ITGAE: variants seen among roughly 807,000 people sequenced by gnomAD.
ITGAE encodes integrin alpha-E.
A neutral mutation model predicts 136.5 loss-of-function variants in ITGAE; 99 were observed. The observed-to-expected ratio is 0.73, with a 90% CI of 0.62 to 0.86. The LOEUF is 0.86. Ranked by LOEUF, ITGAE falls within the 40% of genes least tolerant of loss-of-function variation. The pLI, the probability that ITGAE is intolerant of heterozygous loss-of-function variation, is 0.00. For synonymous variants in ITGAE, 613 were observed against 591.8 expected, an observed-to-expected ratio of 1.04 and a Z score of -0.52; for missense variants, 1,447 against 1,515.3, an observed-to-expected ratio of 0.95 and a Z score of 0.75.
At chr17:3,730,835 A>C (rs1452351334) in intron 23 of ITGAE, among the ~76,000 whole-genome samples, 1 of 152,242 alleles carries the variant, frequency 6.6e-6, no homozygotes, top group African/African-American at 2.4e-5. Context: ...TCCAAAGCTG[A>C]GTGAACGAGA....
At chr17:3,721,799 A>G (rs1395785682) in intron 28 of ITGAE, 1 of 152,060 alleles carries the variant, frequency 6.6e-6, no homozygotes, top group Admixed American at 6.6e-5. Flanking sequence ...TAATCCCAGC[A>G]CTTCGGGAGG....
chr17:3,758,577 C>T (rs1408865413), intron 8 of ITGAE, among the ~76,000 whole-genome samples: 2 of 152,018 alleles, frequency 1.3e-5, no homozygotes, highest in Non-Finnish European at 2.9e-5. Flanking sequence ...CTCAGCCTCC[C>T]GAGTAGCTGG....
At chr17:3,771,259 C>T (rs1398057600) in intron 2 of ITGAE, among the ~76,000 whole-genome samples, 1 of 152,166 alleles carries the variant, frequency 6.6e-6, no homozygotes, top group African/African-American at 2.4e-5. Flanking sequence ...GGATGAAATT[C>T]ACAGGCCTTA....
chr17:3,773,012 C>T (rs560521741), intron 2 of ITGAE, among the ~76,000 whole-genome samples: 112 of 152,288 alleles, frequency 7.4e-4, no homozygotes, highest in African/African-American at 2.5e-3. Flanking sequence ...CCTCACAGGT[C>T]GAGGTCTCAG....
intron 22 of ITGAE, among the ~76,000 whole-genome samples, chr17:3,732,145 C>T (rs1415525040): frequency 1.3e-5 from 2 of 152,182 alleles, no homozygotes; most frequent in Non-Finnish European, 1.5e-5. Context: ...CACTCTGCTT[C>T]ACGGAGGTGA....
rs146255886 is a variant in ITGAE, at chr17:3,766,247, G to A, written c.156-2287C>T. On this transcript the variant is annotated intron_variant, in intron 2 of 30. Transcript: ENST00000263087. The stretch of plus-strand genomic sequence containing the variant: ...GCCTCTCCCATCCCAGAAGCCCCCA[G>A]GGCTGTCCTGGCTGGGCTGTAAAGC... Among the ~76,000 whole-genome samples, 24 of 152,268 alleles carry A rather than the reference G, an allele frequency of 1.6e-4. No individual in the cohort carries two copies. The East Asian group carries it at 4.4e-3, about 28-fold the overall frequency.
chr17:3,760,987 A>C, intron 6 of ITGAE, 26 bp downstream of exon 6: 1 of 1,589,130 alleles, frequency 6.3e-7, no homozygotes, highest in Non-Finnish European at 8.5e-7. Flanking sequence ...ATAGACTCAG[A>C]GCAACCCAGA....
Position 3,745,826 on chromosome 17 carries a change from T to C in ITGAE, c.2257A>G (p.Arg753Gly). The C allele has an allele frequency of 6.2e-7, 1 of 1,614,094 alleles. No homozygotes were observed. The change falls in exon 18 of 31, where the codon AGG (arginine) becomes GGG (glycine). Residue 753 changes from arginine (R) to glycine (G), a missense_variant. Arg to Gly is a moderately radical substitution (Grantham distance 125). Around this residue, in one of 3 missense-constraint regions of ITGAE, gnomAD observed 1,031 missense variants for 1,011.4 expected, o/e 1.02. Coordinates refer to ENST00000263087, the MANE Select transcript of ITGAE (RefSeq NM_002208.5). ...AGCTGGGATCCGCTGCTCCACTCCCTCAGGCAGCCCAGACAGCTTCTTACG... is the reference window on the plus strand; with the variant it reads ...AGCTGGGATCCGCTGCTCCACTCCCCCAGGCAGCCCAGACAGCTTCTTACG... ...SDVRSCLGCLREWSSGSQLCE... is the reference protein window; with the variant it reads ...SDVRSCLGCLGEWSSGSQLCE...
At position 3,714,896 on chromosome 17, in the gene ITGAE, A is replaced by G; in HGVS notation, c.3491T>C (p.Ile1164Thr). The G allele has an allele frequency of 6.2e-7, 1 of 1,611,566 alleles. No individual in the cohort carries two copies. Among genetic ancestry groups the G allele is most frequent in the Non-Finnish European group, 8.5e-7 (1 of 1,179,042 alleles). ...RKYQQLNLES[I>T]RKAQLKSENL... ...CTCTGATTTCAGCTGGGCCTTCCTG[A>G]TGCTCTCCAAGTTCAGTTGTTGATA... is the stretch of plus-strand genomic sequence containing the variant. The change falls in exon 31 of 31, where the codon ATC becomes ACC. Residue 1164 changes from isoleucine (I) to threonine (T), a missense_variant. Ile to Thr is a moderately conservative substitution (Grantham distance 89). Around this residue, in one of 3 missense-constraint regions of ITGAE, gnomAD observed 1,031 missense variants for 1,011.4 expected, o/e 1.02. Transcript: ENST00000263087.
In ITGAE at chr17:3,745,819, C is replaced by T. The variant is rs2143016514; in HGVS notation, c.2264G>A (p.Trp755Ter). 5 of 1,614,100 alleles carry T rather than the reference C, an allele frequency of 3.1e-6. No homozygotes were observed. The highest frequency in any genetic ancestry group is 4.5e-5 in the East Asian group (2 of 44,882). The change falls in exon 18 of 31, where the codon TGG becomes TAG. Residue 755 changes from tryptophan to a stop codon, truncating the protein, a stop_gained. Transcript: ENST00000263087. LOFTEE classifies it high-confidence loss of function. ...CTCACAAAGCTGGGATCCGCTGCTC[C>T]ACTCCCTCAGGCAGCCCAGACAGCT... ...VRSCLGCLRE[W>*]SSGSQLCEDL... is the part of the protein sequence containing the mutation.
Position 3,723,815 on chromosome 17 carries a change from C to CGGCCCT in ITGAE, c.3085-77_3085-72dup, listed in dbSNP as rs1178325879. The stretch of plus-strand genomic sequence containing the variant: ...CCAGTTTTCCGTCCCGTCCCGGCCC[C>CGGCCCT]GGCCCTGGCGAGGTGCGCATGCGCA... On this transcript the variant is annotated intron_variant, in intron 26 of 30. Coordinates refer to ENST00000263087, the MANE Select transcript of ITGAE (RefSeq NM_002208.5). 71 of 1,570,328 alleles carry CGGCCCT rather than the reference C, an allele frequency of 4.5e-5. 1 individual carries two copies. The highest frequency in any genetic ancestry group is 2.9e-4 in the East Asian group (13 of 44,360).
chr17:3,762,626 C>G (rs1341219340), intron 3 of ITGAE, among the ~76,000 whole-genome samples: 2 of 116,104 alleles, frequency 1.7e-5, no homozygotes, highest in Non-Finnish European at 3.3e-5. Flanking sequence ...GAGACAGAGT[C>G]TTGCTCTGTC....
chr17:3,727,026 G>A (rs1467851512), intron 26 of ITGAE, among the ~76,000 whole-genome samples: 1 of 151,918 alleles, frequency 6.6e-6, no homozygotes, highest in Non-Finnish European at 1.5e-5. Flanking sequence ...CATGGCACCT[G>A]ACCTATAAGC....
chr17:3,771,375 G>T (rs539039535), intron 2 of ITGAE, among the ~76,000 whole-genome samples: 152 of 152,206 alleles, frequency 1.0e-3, no homozygotes, highest in Admixed American at 2.0e-3. Context: ...AGTCAGCTGG[G>T]GGTTACTCTT....
rs1191227416 is a variant in ITGAE, at chr17:3,766,839, AT to A, written c.156-2880del. ...AATAATAATAATAATAATAATAATA[AT>A]AATAATAAACCTGTGTTGTTGTAAG... On this transcript the variant is annotated intron_variant, in intron 2 of 30. Transcript: ENST00000263087. 2.6e-4 allele frequency among the ~76,000 whole-genome samples: 32 copies of A among 123,240 alleles called. No individual in the cohort carries two copies. The South Asian group carries it at 2.7e-3, about 10-fold the overall frequency. 80.9% of individuals were successfully genotyped at this position (123,240 alleles called of 152,430 possible).
intron 19 of ITGAE, among the ~76,000 whole-genome samples, chr17:3,740,681 A>G (rs780267312): frequency 5.3e-5 from 8 of 152,154 alleles, no homozygotes; most frequent in Non-Finnish European, 7.4e-5. Flanking sequence ...CGGCCTGGCT[A>G]GTCGTCTCTG....
At chr17:3,749,181 T>C (rs778110753) in intron 16 of ITGAE, among the ~76,000 whole-genome samples, 1 of 151,406 alleles carries the variant, frequency 6.6e-6, no homozygotes, top group Non-Finnish European at 1.5e-5. Context: ...GATGATGCCA[T>C]TTGCTGAGAC....
intron 1 of ITGAE, among the ~76,000 whole-genome samples, chr17:3,779,331 T>G (rs1348710656): frequency 4.8e-5 from 3 of 63,076 alleles, no homozygotes; most frequent in African/African-American, 4.4e-4. Context: ...TTTTATTAAT[T>G]TCTTTTTTTT....
At chr17:3,731,623 T>C (rs1375458194) in intron 22 of ITGAE, among the ~76,000 whole-genome samples, 1 of 151,354 alleles carries the variant, frequency 6.6e-6, no homozygotes, top group African/African-American at 2.4e-5. Flanking sequence ...ATTACAGGCA[T>C]GAGCCACCGC....
Sources: gnomAD v4.1 joint callset for allele counts (sites outside exome capture counted in the v4.1 genomes callset) on GRCh38, gnomAD v4.1.1 for gene constraint, gnomAD v4.1.1 regional missense constraint, MANE v1.5 for transcripts, NCBI Gene and HGNC (gene_info 2026-07-23, HGNC 2026-07-21) for gene names.